The following CHSY3 variants were observed in gnomAD, a reference collection of about 807,000 sequenced individuals.
CHSY3 encodes chondroitin sulfate synthase 3, also known as N-acetylgalactosaminyl-proteoglycan 3-beta-glucuronosyltransferase 3.
Under a neutral mutation model 67.2 loss-of-function variants are expected in CHSY3, and 35 were observed. The observed-to-expected ratio is 0.52, with a 90% CI of 0.40 to 0.69. The LOEUF (loss-of-function observed/expected upper bound fraction) is 0.69. CHSY3 is among the 30% of genes least tolerant of loss of function. CHSY3 has a pLI of 0.00. For missense variants in CHSY3, 1,069 were observed against 1,138.5 expected, an observed-to-expected ratio of 0.94 and a Z score of 0.88; for synonymous variants, 474 against 434.7, an observed-to-expected ratio of 1.09 and a Z score of -1.12.
intron 2 of CHSY3, among the ~76,000 whole-genome samples, chr5:129,934,576 T>C (rs779230576): frequency 1.3e-5 from 2 of 152,154 alleles, no homozygotes; most frequent in Non-Finnish European, 2.9e-5. Context: ...TAGCAGGTTC[T>C]GGAGGAGTAA....
intron 2 of CHSY3, among the ~76,000 whole-genome samples, chr5:129,985,018 T>C (rs1467417496): frequency 6.6e-6 from 1 of 152,222 alleles, no homozygotes; most frequent in African/African-American, 2.4e-5. Flanking sequence ...AGAAGCTGTT[T>C]AGTTTAATTA....
chr5:130,184,128 A>G (rs1770334675), intron 2 of CHSY3, 101 bp from the exon 3 acceptor site: 2 of 1,132,150 alleles, frequency 1.8e-6, no homozygotes, highest in African/African-American at 1.6e-5. Flanking sequence ...CATACCAAAA[A>G]TGTATTAACA....
At chr5:129,963,461 A>C (rs917095837) in intron 2 of CHSY3, among the ~76,000 whole-genome samples, 5 of 152,014 alleles carry the variant, frequency 3.3e-5, no homozygotes, top group African/African-American at 1.2e-4. Context: ...GACTGGTATA[A>C]CATTTAACAC....
chr5:130,077,931 A>G (rs1554081170), intron 2 of CHSY3, among the ~76,000 whole-genome samples: 1 of 152,056 alleles, frequency 6.6e-6, no homozygotes, highest in Non-Finnish European at 1.5e-5. Flanking sequence ...TTCTAAAGAA[A>G]CCTAAATGTG....
intron 2 of CHSY3, among the ~76,000 whole-genome samples, chr5:130,048,790 A>G (rs1334373562): frequency 6.6e-6 from 1 of 152,050 alleles, no homozygotes; most frequent in Admixed American, 6.6e-5. Flanking sequence ...GATAAATATT[A>G]AGAAAGCAGA....
At chr5:130,033,849 A>T (rs529976005) in intron 2 of CHSY3, among the ~76,000 whole-genome samples, 1 of 152,330 alleles carries the variant, frequency 6.6e-6, no homozygotes, top group African/African-American at 2.4e-5. Flanking sequence ...CTATTAGTAC[A>T]AATCAAGAGA....
Position 129,905,575 on chromosome 5 carries a change from A to C in CHSY3, c.746A>C (p.His249Pro). Residue 249 changes from histidine (H) to proline (P), a missense_variant, in exon 1 of 3, where the codon CAC (histidine) becomes CCC (proline). Physicochemically the swap from His to Pro is moderately conservative, Grantham distance 77. Transcript: ENST00000305031. ...ATGATGATCAAGTACATGCACGACC[A>C]CTACCTGGACAAGTATGAGTGGTTC... ...SFMMIKYMHDHYLDKYEWFMR... is the reference protein window; with the variant it reads ...SFMMIKYMHDPYLDKYEWFMR... 1 of 1,613,792 alleles carries C rather than the reference A, an allele frequency of 6.2e-7. No homozygotes were observed. The highest frequency in any genetic ancestry group is 1.1e-5 in the South Asian group (1 of 91,082).
chr5:130,007,559 C>T (rs974108890), intron 2 of CHSY3, among the ~76,000 whole-genome samples: 3 of 152,170 alleles, frequency 2.0e-5, no homozygotes, highest in African/African-American at 7.2e-5. Flanking sequence ...TTGTGGCCCA[C>T]ATTTGCCACA....
intron 2 of CHSY3, among the ~76,000 whole-genome samples, chr5:129,972,473 A>C (rs1561479419): frequency 6.6e-6 from 1 of 151,888 alleles, no homozygotes; most frequent in Non-Finnish European, 1.5e-5. Flanking sequence ...ACATCCTATT[A>C]TTTTTGTACA....
chr5:130,172,109 C>A (rs1223733166), intron 2 of CHSY3, among the ~76,000 whole-genome samples: 1 of 151,922 alleles, frequency 6.6e-6, no homozygotes, highest in African/African-American at 2.4e-5. Flanking sequence ...AAATATCAGC[C>A]TGTGGTCAAA....
intron 2 of CHSY3, among the ~76,000 whole-genome samples, chr5:130,104,450 A>G (rs111293657): frequency 6.6e-6 from 1 of 151,858 alleles, no homozygotes; most frequent in Non-Finnish European, 1.5e-5. Flanking sequence ...GAAACAAAAT[A>G]TGACTTAAAA....
At chr5:129,981,967 T>G (rs955747460) in intron 2 of CHSY3, among the ~76,000 whole-genome samples, 29 of 152,200 alleles carry the variant, frequency 1.9e-4, no homozygotes, top group African/African-American at 7.0e-4. Flanking sequence ...GCAATTATTC[T>G]TCTTTAACCT....
chr5:129,947,478 C>T (rs1269239053), intron 2 of CHSY3, among the ~76,000 whole-genome samples: 1 of 151,924 alleles, frequency 6.6e-6, no homozygotes, highest in African/African-American at 2.4e-5. Context: ...CAAAAATTAG[C>T]CGGGTTTGGT....
At chr5:130,164,345 C>T (rs951997741) in intron 2 of CHSY3, among the ~76,000 whole-genome samples, 2 of 151,938 alleles carry the variant, frequency 1.3e-5, no homozygotes, top group African/African-American at 2.4e-5. Flanking sequence ...TTGACTAGGA[C>T]GCGGGAAGAG....
intron 2 of CHSY3, among the ~76,000 whole-genome samples, chr5:130,081,744 C>T (rs1766453785): frequency 6.6e-6 from 1 of 152,062 alleles, no homozygotes; most frequent in South Asian, 2.1e-4. Flanking sequence ...TGTGCCTTTG[C>T]TCCTCCTTCA....
chr5:130,126,716 C>G (rs1286973258), intron 2 of CHSY3, among the ~76,000 whole-genome samples: 3 of 152,118 alleles, frequency 2.0e-5, no homozygotes, highest in African/African-American at 4.8e-5. Flanking sequence ...ATTTTTGGAG[C>G]TTTTCTGTCA....
At chr5:129,930,211 T>G (rs965773858) in intron 2 of CHSY3, among the ~76,000 whole-genome samples, 1 of 151,644 alleles carries the variant, frequency 6.6e-6, no homozygotes, top group African/African-American at 2.4e-5. Context: ...CTCATGCCTG[T>G]AATCCCAGCT....
rs558302937 is a variant in CHSY3, at chr5:130,113,076, G to A, written c.1087-71153G>A. 2.6e-5 allele frequency among the ~76,000 whole-genome samples: 4 copies of A among 151,632 alleles called. No homozygotes were observed. The South Asian group carries it at 8.3e-4, about 32-fold the overall frequency. On this transcript the variant is annotated intron_variant, in intron 2 of 2. Coordinates refer to ENST00000305031, the MANE Select transcript of CHSY3 (RefSeq NM_175856.5). Reference sequence around the variant, plus strand: ...GAATGAGGGGTATATTTGGAATTTTGTGATCATGAGTCATGTTGTAAAAAT... The same window carrying A: ...GAATGAGGGGTATATTTGGAATTTTATGATCATGAGTCATGTTGTAAAAAT...
At chr5:129,961,631 C>T (rs186749150) in intron 2 of CHSY3, among the ~76,000 whole-genome samples, 82 of 152,048 alleles carry the variant, frequency 5.4e-4, no homozygotes, top group Middle Eastern at 3.4e-3. Context: ...TCTGATCACA[C>T]ATTTTTTTTT....
Sources: gnomAD v4.1 joint callset for allele counts (sites outside exome capture counted in the v4.1 genomes callset) on GRCh38, gnomAD v4.1.1 for gene constraint, MANE v1.5 for transcripts, NCBI Gene and HGNC (gene_info 2026-07-23, HGNC 2026-07-21) for gene names.